Variants in CCDC169 observed in about 807,000 individuals in gnomAD.
CCDC169 encodes the protein coiled-coil domain-containing protein 169.
CCDC169 carries 30 observed loss-of-function variants against 36.0 expected under a neutral mutation model. The ratio of observed to expected loss-of-function variants is 0.83; its 90% CI spans 0.62 to 1.13. The LOEUF is 1.13. Ranked by LOEUF, CCDC169 falls within the 50% of genes most tolerant of loss-of-function variation. The pLI is 0.00. For missense variants in CCDC169, 245 were observed against 245.9 expected (o/e 1.00, Z 0.03); for synonymous variants, 85 against 81.5 (o/e 1.04, Z -0.23).
chr13:36,259,451 A>C (rs1247220950), intron 4 of CCDC169, among the ~76,000 whole-genome samples: 1 of 152,242 alleles, frequency 6.6e-6, no homozygotes, highest in Non-Finnish European at 1.5e-5. Flanking sequence ...TGTTGAAGCA[A>C]AAGGACACTC....
At chr13:36,267,782 A>G (rs1875526732) in intron 4 of CCDC169, among the ~76,000 whole-genome samples, 1 of 152,222 alleles carries the variant, frequency 6.6e-6, no homozygotes, top group Non-Finnish European at 1.5e-5. Context: ...AATAGAAACC[A>G]AAAGTGAGAA....
downstream of CCDC169, chr13:36,226,185 G>C (rs1401587968): frequency 1.3e-5 from 2 of 152,176 alleles, no homozygotes; most frequent in African/African-American, 4.8e-5. Flanking sequence ...AATCAGCCTA[G>C]GTGCCCATCA....
rs1044921928 is a variant in CCDC169 at position 36,240,561 on chromosome 13, G to C, written c.545+8045C>G. On this transcript the variant is annotated intron_variant, in intron 7 of 7. Coordinates refer to ENST00000239859, the MANE Select transcript of CCDC169 (RefSeq NM_001144981.3). ...CAGAAGGATACGCCCCTAACAATCT[G>C]TCTCTTACCAAGTCCTAGTATCAAT... 8.3e-6 allele frequency: 10 copies of C among 1,205,570 alleles called. No individual in the cohort carries two copies. The African/African-American group carries it at 1.6e-4, about 19-fold the overall frequency. 74.7% of individuals were successfully genotyped at this position (1,205,570 alleles called of 1,614,324 possible).
chr13:36,267,074 C>G (rs1875409863), intron 4 of CCDC169: 1 of 152,116 alleles, frequency 6.6e-6, no homozygotes, highest in African/African-American at 2.4e-5. Flanking sequence ...CAAGTCTTAG[C>G]CCTAGTAAAG....
intron 4 of CCDC169, among the ~76,000 whole-genome samples, chr13:36,259,849 C>T (rs959877078): frequency 5.3e-5 from 8 of 152,352 alleles, no homozygotes; most frequent in Middle Eastern, 3.4e-3. Flanking sequence ...TCTCCTGCCT[C>T]ATCTTCTCCA....
At chr13:36,281,287 G>C (rs1168231548) in intron 4 of CCDC169, 2 of 430,898 alleles carry the variant, frequency 4.6e-6, no homozygotes, top group Non-Finnish European at 4.6e-6. Context: ...AAAAAGAAAA[G>C]AGAAAAAAAA....
chr13:36,254,287 T>TTTC, intron 4 of CCDC169, 144 bp from the exon 5 acceptor site: 1 of 573,416 alleles, frequency 1.7e-6, no homozygotes, highest in Non-Finnish European at 2.8e-6. Flanking sequence ...TTTTTTTTTT[T>TTTC]TTTTTTTAGA....
chr13:36,262,300 C>T (rs1330783411), intron 4 of CCDC169, among the ~76,000 whole-genome samples: 2 of 152,208 alleles, frequency 1.3e-5, no homozygotes, highest in East Asian at 3.9e-4. Flanking sequence ...TGACCAATCT[C>T]ACATAATGCT....
intron 4 of CCDC169, among the ~76,000 whole-genome samples, chr13:36,263,478 C>G (rs1420670064): frequency 2.6e-5 from 4 of 152,152 alleles, no homozygotes; most frequent in Non-Finnish European, 4.4e-5. Flanking sequence ...TGAAACACAG[C>G]TACTTCTCTA....
intron 4 of CCDC169, among the ~76,000 whole-genome samples, chr13:36,257,589 G>A (rs546880066): frequency 1.3e-5 from 2 of 152,192 alleles, no homozygotes; most frequent in East Asian, 3.9e-4. Context: ...TGTAGTCCCA[G>A]CTACTCGAGA....
At chr13:36,224,340 C>T (rs1869752623), downstream of CCDC169, 1 of 151,976 alleles carries the variant, frequency 6.6e-6, no homozygotes, top group Non-Finnish European at 1.5e-5. Flanking sequence ...AGAATTCAAA[C>T]TATCTCTCTT....
At chr13:36,283,297 C>T (rs1443328751) in intron 4 of CCDC169, 172 bp downstream of exon 4, 1 of 639,442 alleles carries the variant, frequency 1.6e-6, no homozygotes, top group Non-Finnish European at 2.7e-6. Context: ...CAACTTAGTG[C>T]TCCACCTATA....
intron 4 of CCDC169, among the ~76,000 whole-genome samples, chr13:36,257,815 C>A (rs1361995743): frequency 6.6e-6 from 1 of 152,158 alleles, no homozygotes; most frequent in Non-Finnish European, 1.5e-5. Context: ...GCCCAGTATA[C>A]ACTAAGGGCT....
chr13:36,246,867 C>T (rs1427588426), intron 7 of CCDC169, among the ~76,000 whole-genome samples: 1 of 152,170 alleles, frequency 6.6e-6, no homozygotes, highest in Non-Finnish European at 1.5e-5. Context: ...CTCAGCCCCA[C>T]AGTCCATGTG....
chr13:36,279,670 G>A (rs913674681), intron 4 of CCDC169, among the ~76,000 whole-genome samples: 1 of 152,120 alleles, frequency 6.6e-6, no homozygotes, highest in Admixed American at 6.5e-5. Context: ...TAAAGCAGAG[G>A]CTGGCAAACT....
downstream of CCDC169, chr13:36,227,151 A>G (rs988479780): frequency 1.7e-6 from 2 of 1,207,170 alleles, no homozygotes; most frequent in East Asian, 2.6e-5. Context: ...AAAGAAATAC[A>G]TGTGAGATCA....
downstream of CCDC169, among the ~76,000 whole-genome samples, chr13:36,228,026 A>G (rs1028235238): frequency 6.6e-6 from 1 of 152,230 alleles, no homozygotes; most frequent in African/African-American, 2.4e-5. Flanking sequence ...GCCAAATAAT[A>G]TCCATTGTTG....
At chr13:36,234,447 A>T (rs980852763) in intron 7 of CCDC169, among the ~76,000 whole-genome samples, 4 of 152,164 alleles carry the variant, frequency 2.6e-5, no homozygotes, top group African/African-American at 7.2e-5. Context: ...ATAGCTAAAA[A>T]TTTCCCAAAT....
At chr13:36,257,698 A>G (rs1242848743) in intron 4 of CCDC169, among the ~76,000 whole-genome samples, 3 of 151,284 alleles carry the variant, frequency 2.0e-5, no homozygotes, top group Admixed American at 2.0e-4. Flanking sequence ...CAAGACTCCA[A>G]CTAAAAAAAA....
Sources: allele counts gnomAD v4.1 joint callset (sites outside exome capture counted in the v4.1 genomes callset), GRCh38; gene constraint gnomAD v4.1.1; transcripts MANE v1.5; gene names NCBI Gene and HGNC (gene_info 2026-07-23, HGNC 2026-07-21).